CFAP299: variants seen among roughly 807,000 people sequenced by gnomAD.
CFAP299 encodes the protein cilia and flagella associated protein 299.
A neutral mutation model predicts 27.0 loss-of-function variants in CFAP299; 21 were observed. The ratio of observed to expected loss-of-function variants is 0.78; its 90% CI spans 0.55 to 1.12. The LOEUF is 1.12. CFAP299 is among the 50% of genes most tolerant of loss of function. The pLI, the probability that CFAP299 is intolerant of heterozygous loss-of-function variation, is 0.00. For synonymous variants in CFAP299, 104 were observed against 98.1 expected (o/e 1.06, Z -0.36); for missense variants, 310 against 276.6 (o/e 1.12, Z -0.86).
chr4:80,410,627 T>C (rs1272576899), intron 2 of CFAP299, among the ~76,000 whole-genome samples: 2 of 152,218 alleles, frequency 1.3e-5, no homozygotes, highest in Non-Finnish European at 2.9e-5. Flanking sequence ...GCATGTGGCC[T>C]TTTTCTCTAA....
In CFAP299 at chr4:80,753,790, C is replaced by T. The variant is rs1037814891; in HGVS notation, c.334-116203C>T. Reference sequence around the variant, plus strand: ...TCTAACGAGGAACCATTTGAAGGCACTTCTCATCTCCTTTTCCATGTTTGT... The same window carrying T: ...TCTAACGAGGAACCATTTGAAGGCATTTCTCATCTCCTTTTCCATGTTTGT... On this transcript the variant is annotated intron_variant, in intron 3 of 5. Transcript: ENST00000358105. Among the ~76,000 whole-genome samples, 44 of 151,990 alleles carry T rather than the reference C, an allele frequency of 2.9e-4. 1 individual carries two copies. The highest frequency in any genetic ancestry group is 1.0e-3 in the African/African-American group (42 of 41,418).
intron 3 of CFAP299, among the ~76,000 whole-genome samples, chr4:80,846,743 A>T (rs2110143892): frequency 6.6e-6 from 1 of 152,274 alleles, no homozygotes; most frequent in South Asian, 2.1e-4. Context: ...TGTTTGTCTC[A>T]GGGTGCTCTT....
chr4:80,951,417 A>C (rs1017894246), intron 5 of CFAP299, among the ~76,000 whole-genome samples: 30 of 152,346 alleles, frequency 2.0e-4, no homozygotes, highest in Admixed American at 5.9e-4. Flanking sequence ...CTGACTATTA[A>C]GCCCAGACTC....
At chr4:80,552,331 TAG>T (rs1734563805) in intron 2 of CFAP299, among the ~76,000 whole-genome samples, 1 of 152,184 alleles carries the variant, frequency 6.6e-6, no homozygotes, top group South Asian at 2.1e-4. Flanking sequence ...TTTTGCAAAT[TAG>T]AGTGTCTTCA....
intron 2 of CFAP299, among the ~76,000 whole-genome samples, chr4:80,375,661 T>C (rs1007882860): frequency 3.9e-5 from 6 of 152,232 alleles, no homozygotes; most frequent in African/African-American, 1.4e-4. Context: ...GAGGCAAGGT[T>C]GAACAAGGGC....
intron 3 of CFAP299, among the ~76,000 whole-genome samples, chr4:80,708,113 G>C (rs570798335): frequency 6.6e-6 from 1 of 151,890 alleles, no homozygotes; most frequent in African/African-American, 2.4e-5. Flanking sequence ...AGGCTGCATC[G>C]GTTCAACAGC....
At chr4:80,456,093 T>A (rs182128877) in intron 2 of CFAP299, among the ~76,000 whole-genome samples, 1 of 152,104 alleles carries the variant, frequency 6.6e-6, no homozygotes, top group African/African-American at 2.4e-5. Flanking sequence ...AGATGACATT[T>A]GAGCAAAAAG....
At chr4:80,447,521 C>T (rs1438078570) in intron 2 of CFAP299, among the ~76,000 whole-genome samples, 1 of 152,078 alleles carries the variant, frequency 6.6e-6, no homozygotes, top group African/African-American at 2.4e-5. Context: ...CAACCTCCGC[C>T]TCCTGGATTC....
chr4:80,503,534 G>A (rs1374152154), intron 2 of CFAP299, among the ~76,000 whole-genome samples: 1 of 152,128 alleles, frequency 6.6e-6, no homozygotes, highest in African/African-American at 2.4e-5. Context: ...TGCGGGCACA[G>A]ATCAACTGGA....
Position 80,638,341 on chromosome 4 carries a change from G to A in CFAP299, c.333+55158G>A, listed in dbSNP as rs192400446. On this transcript the variant is annotated intron_variant, in intron 3 of 5. Transcript: ENST00000358105. ...ATTTTCTTCAACATTTGAAGATTAT[G>A]ATGCACTTTATCGATATATGAATTT... is the stretch of plus-strand genomic sequence containing the variant. Among the ~76,000 whole-genome samples, 442 of 152,292 alleles carry A rather than the reference G, an allele frequency of 2.9e-3. 2 individuals are homozygous for A. Among genetic ancestry groups the A allele is most frequent in the Non-Finnish European group, 3.9e-3 (267 of 68,012 alleles).
intron 2 of CFAP299, among the ~76,000 whole-genome samples, chr4:80,425,543 G>T (rs773197083): frequency 1.3e-5 from 2 of 152,122 alleles, no homozygotes; most frequent in Non-Finnish European, 2.9e-5. Context: ...TGAGGATAAT[G>T]TTCAGTGTTA....
At position 80,719,061 on chromosome 4, in the gene CFAP299, T is replaced by C. The variant is rs551452474; in HGVS notation, c.333+135878T>C. Among the ~76,000 whole-genome samples the C allele has an allele frequency of 2.6e-5, 4 of 152,190 alleles. No individual in the cohort carries two copies. The East Asian group carries it at 7.7e-4, about 29-fold the overall frequency. On this transcript the variant is annotated intron_variant, in intron 3 of 5. Transcript: ENST00000358105. ...CAGGAACAGAAAACCAAATATCACA[T>C]TTTCTTACTTATAAGTGGGAGCTAA...
intron 3 of CFAP299, among the ~76,000 whole-genome samples, chr4:80,690,190 G>T (rs1173885547): frequency 6.6e-6 from 1 of 151,132 alleles, no homozygotes; most frequent in Non-Finnish European, 1.5e-5. Flanking sequence ...GCACCAAGCA[G>T]ATCTAATAGA....
intron 1 of CFAP299, among the ~76,000 whole-genome samples, chr4:80,344,231 T>G (rs1235273121): frequency 1.3e-5 from 2 of 148,214 alleles, no homozygotes; most frequent in African/African-American, 4.9e-5. Flanking sequence ...AAAAAATTAA[T>G]AAGATAGATA....
intron 2 of CFAP299, among the ~76,000 whole-genome samples, chr4:80,581,453 G>GATAGATATAT (rs1212459486): frequency 2.0e-4 from 21 of 103,008 alleles, no homozygotes; most frequent in African/African-American, 7.5e-4. Flanking sequence ...TATTAAGTGA[G>GATAGATATAT]ATATATATAT....
At chr4:80,908,110 C>A (rs1003990061) in intron 4 of CFAP299, among the ~76,000 whole-genome samples, 1 of 152,184 alleles carries the variant, frequency 6.6e-6, no homozygotes, top group Admixed American at 6.5e-5. Flanking sequence ...CCTGAAGTGT[C>A]TTGTTCATAG....
intron 4 of CFAP299, among the ~76,000 whole-genome samples, chr4:80,928,342 C>G (rs1736406027): frequency 6.6e-6 from 1 of 152,024 alleles, no homozygotes; most frequent in Non-Finnish European, 1.5e-5. Flanking sequence ...AGGACCCAAG[C>G]CCAACTATGG....
At chr4:80,626,376 C>T (rs1333169878) in intron 3 of CFAP299, among the ~76,000 whole-genome samples, 5 of 151,736 alleles carry the variant, frequency 3.3e-5, no homozygotes, top group African/African-American at 1.2e-4. Context: ...CCAGATACAG[C>T]AAAAGCAGTT....
intron 2 of CFAP299, among the ~76,000 whole-genome samples, chr4:80,414,392 G>GT (rs2110064214): frequency 6.6e-6 from 1 of 152,200 alleles, no homozygotes; most frequent in African/African-American, 2.4e-5. Flanking sequence ...GTAGTGAGAC[G>GT]TGTCTGGAAA....
Sources: allele counts gnomAD v4.1 joint callset (sites outside exome capture counted in the v4.1 genomes callset), GRCh38; gene constraint gnomAD v4.1.1; transcripts MANE v1.5; gene names NCBI Gene and HGNC (gene_info 2026-07-23, HGNC 2026-07-21).